RTP3: variants seen among roughly 807,000 people sequenced by gnomAD.
RTP3 encodes receptor transporter protein 3, also known as receptor-transporting protein 3.
RTP3 carries 2 observed loss-of-function variants against 6.2 expected under a neutral mutation model. That is an observed-to-expected ratio of 0.32 (90% CI 0.13 to 1.02). The LOEUF is 1.02. Ranked by LOEUF, RTP3 falls within the 50% of genes least tolerant of loss-of-function variation. The probability of loss-of-function intolerance (pLI) is 0.47; values close to 1 mark genes in which losing one functional copy is unlikely to be tolerated. For missense variants in RTP3, 252 were observed against 280.8 expected, an observed-to-expected ratio of 0.90 and a Z score of 0.73; for synonymous variants, 106 against 98.3, an observed-to-expected ratio of 1.08 and a Z score of -0.47.
At chr3:46,499,625 C>T (rs1703684277) in intron 1 of RTP3, among the ~76,000 whole-genome samples, 1 of 152,246 alleles carries the variant, frequency 6.6e-6, no homozygotes, top group Non-Finnish European at 1.5e-5. Context: ...AACTGCCCTC[C>T]TCCCTGCTGA....
Position 46,500,679 on chromosome 3 carries a change from G to A in RTP3, c.479G>A (p.Gly160Asp), listed in dbSNP as rs770168412. The A allele has an allele frequency of 3.1e-6, 5 of 1,613,912 alleles. No homozygotes were observed. In the South Asian group the frequency reaches 4.4e-5, roughly 14 times the overall value. ...GACAACTGTGAGGCATGTCTGCAGG[G>A]CTTCTGTGCTGGGCCCATACAGGTT... Reference protein sequence around the residue: ...NSDNCEACLQGFCAGPIQVTS... With the variant: ...NSDNCEACLQDFCAGPIQVTS... The change falls in exon 2 of 2, where the codon GGC (glycine) becomes GAC (aspartate). Residue 160 changes from glycine to aspartate, a missense_variant. Transcript: ENST00000296142.
Position 46,498,214 on chromosome 3 carries a change from C to T in RTP3, c.152C>T (p.Ala51Val). ...GWMQYQQWTF[A>V]RFQCSSCSRN... is the part of the protein sequence containing the mutation. ...ATGCAATACCAGCAGTGGACCTTCG[C>T]CAGGTGAGGGGGAATGTGATGGTAC... The change falls in exon 1 of 2, where the codon GCC (alanine) becomes GTC (valine). Residue 51 changes from alanine to valine, a missense_variant. Physicochemically the swap from Ala to Val is moderately conservative, Grantham distance 64. Transcript: ENST00000296142. 1 of 1,614,148 alleles carries T rather than the reference C, an allele frequency of 6.2e-7. No individual in the cohort carries two copies. The highest frequency in any genetic ancestry group is 1.1e-5 in the South Asian group (1 of 91,070).
Position 46,498,143 on chromosome 3 carries a change from G to C in RTP3, c.81G>C (p.Leu27=). 1.2e-6 allele frequency: 2 copies of C among 1,614,260 alleles called. No individual in the cohort carries two copies. The highest frequency in any genetic ancestry group is 1.7e-6 in the Non-Finnish European group (2 of 1,180,046). Residue 27 remains leucine (L), a synonymous_variant, in exon 1 of 2, where the codon CTG becomes CTC. Transcript: ENST00000296142. ...TGAAGCCATGGCACAGGTGGACCCT[G>C]AGACCAGACAAGGGCCTTCTTCCCA... ...REVKPWHRWT[L]RPDKGLLPNV... is the part of the protein sequence containing the mutation.
chr3:46,499,435 C>T (rs760218516), intron 1 of RTP3, among the ~76,000 whole-genome samples: 16 of 152,350 alleles, frequency 1.1e-4, no homozygotes, highest in South Asian at 2.1e-4. Context: ...CCCAGCCTCA[C>T]GGCAAAGGGG....
At chr3:46,500,327 C>A in intron 1 of RTP3, 29 bp from the exon 2 acceptor site, 1 of 1,563,374 alleles carries the variant, frequency 6.4e-7, no homozygotes, top group Non-Finnish European at 8.6e-7. Flanking sequence ...CACATGGAGC[C>A]AGGCTGAGAC....
At chr3:46,500,315 G>A in intron 1 of RTP3, 41 bp from the exon 2 acceptor site, 1 of 1,542,674 alleles carries the variant, frequency 6.5e-7, no homozygotes, top group Non-Finnish European at 8.7e-7. Flanking sequence ...CCGTGATTTG[G>A]TCACATGGAG....
intron 1 of RTP3, among the ~76,000 whole-genome samples, chr3:46,498,509 G>A (rs951765084): frequency 2.6e-5 from 4 of 152,160 alleles, no homozygotes; most frequent in African/African-American, 9.7e-5. Flanking sequence ...GGGAGGAAGG[G>A]CAGCTGTTGC....
rs1258479346 is a variant in RTP3 at position 46,500,464 on chromosome 3, G to C, written c.264G>C (p.Val88=). The change falls in exon 2 of 2, where the codon GTG becomes GTC. Residue 88 remains valine, a synonymous_variant. Coordinates refer to ENST00000296142, the MANE Select transcript of RTP3 (RefSeq NM_031440.2). ...CCAGGGGCCAGGTGAAGATGAGGGT[G>C]TTTACCCAGAGATGTAAGAAGTGCC... ...EKSRGQVKMR[V]FTQRCKKCPQ... 1 of 1,614,106 alleles carries C rather than the reference G, an allele frequency of 6.2e-7. No homozygotes were observed. The highest frequency in any genetic ancestry group is 8.5e-7 in the Non-Finnish European group (1 of 1,180,044).
chr3:46,498,908 G>A (rs1167943466), intron 1 of RTP3, among the ~76,000 whole-genome samples: 3 of 152,216 alleles, frequency 2.0e-5, no homozygotes, highest in African/African-American at 7.2e-5. Context: ...CTGCCATAGG[G>A]AGCATTGCAC....
intron 1 of RTP3, among the ~76,000 whole-genome samples, chr3:46,500,004 G>T (rs1274820804): frequency 2.6e-5 from 4 of 152,194 alleles, no homozygotes; most frequent in African/African-American, 7.2e-5. Context: ...TTGGAATAGG[G>T]AGACCACAGT....
chr3:46,499,826 C>T lies in RTP3; in HGVS notation c.156-530C>T, dbSNP rs532467199. Among the ~76,000 whole-genome samples, 3 of 152,160 alleles carry T rather than the reference C, an allele frequency of 2.0e-5. No individual in the cohort carries two copies. The East Asian group carries it at 5.8e-4, about 29-fold the overall frequency. On this transcript the variant is annotated intron_variant, in intron 1 of 1. Coordinates refer to ENST00000296142, the MANE Select transcript of RTP3 (RefSeq NM_031440.2). ...CCAAGAGAAAGGCAAAGGCTTTCCT[C>T]TAGGAGAACCCTGGACACTTCAGGC...
At chr3:46,498,751 G>A (rs1015057324) in intron 1 of RTP3, among the ~76,000 whole-genome samples, 2 of 152,302 alleles carry the variant, frequency 1.3e-5, no homozygotes, top group Admixed American at 1.3e-4. Flanking sequence ...TTCCCAGGTG[G>A]AAATGGGGAG....
Position 46,500,588 on chromosome 3 carries a change from A to C in RTP3, c.388A>C (p.Arg130=). The change falls in exon 2 of 2, where the codon AGA becomes CGA. Residue 130 remains arginine, a synonymous_variant. Coordinates refer to ENST00000296142, the MANE Select transcript of RTP3 (RefSeq NM_031440.2). ...FRILKKCYRG[R]FQLIEEVPMI... ...AATTCTGAAGAAATGCTATAGAGGAAGATTTCAGTTGATAGAGGAGGTTCC... is the reference window on the plus strand; with the variant it reads ...AATTCTGAAGAAATGCTATAGAGGACGATTTCAGTTGATAGAGGAGGTTCC... 6.2e-7 allele frequency: 1 copy of C among 1,614,224 alleles called. No homozygotes were observed. The highest frequency in any genetic ancestry group is 8.5e-7 in the Non-Finnish European group (1 of 1,180,038).
intron 1 of RTP3, among the ~76,000 whole-genome samples, chr3:46,499,758 CTG>C (rs1018046782): frequency 2.6e-5 from 4 of 152,150 alleles, no homozygotes; most frequent in Admixed American, 2.6e-4. Flanking sequence ...GAGCTGGACA[CTG>C]TGATCTCCCT....
intron 1 of RTP3, among the ~76,000 whole-genome samples, chr3:46,498,532 T>G (rs1703672939): frequency 2.6e-5 from 4 of 151,986 alleles, no homozygotes; most frequent in Admixed American, 2.6e-4. Flanking sequence ...CCACGGGCGG[T>G]GCATGTGCCC....
rs78076766 is a variant in RTP3 at position 46,498,992 on chromosome 3, G to C, written c.155+775G>C. Among the ~76,000 whole-genome samples the C allele has an allele frequency of 3.9e-3, 591 of 152,372 alleles. 4 individuals carry two copies. Among genetic ancestry groups the C allele is most frequent in the African/African-American group, 0.013 (547 of 41,580 alleles). On this transcript the variant is annotated intron_variant, in intron 1 of 1. Transcript: ENST00000296142. ...ACAGGAACAGAGCACTGAGACCCAG[G>C]GGATGGCAGTGGACTTCTGCTCAGA...
chr3:46,498,171 G>A lies in RTP3; in HGVS notation c.109G>A (p.Val37Ile), dbSNP rs1575335705. 2.5e-6 allele frequency: 4 copies of A among 1,614,204 alleles called. No homozygotes were observed. The highest frequency in any genetic ancestry group is 1.6e-4 in the Middle Eastern group (1 of 6,062). ...LRPDKGLLPN[V>I]LKPGWMQYQQ... ...ACCAGACAAGGGCCTTCTTCCCAAC[G>A]TCCTGAAGCCAGGCTGGATGCAATA... The change falls in exon 1 of 2, where the codon GTC becomes ATC. Residue 37 changes from valine (V) to isoleucine (I), a missense_variant. Coordinates refer to ENST00000296142, the MANE Select transcript of RTP3 (RefSeq NM_031440.2).
At chr3:46,498,364 C>T in intron 1 of RTP3, 147 bp downstream of exon 1, 1 of 912,858 alleles carries the variant, frequency 1.1e-6, no homozygotes, top group Non-Finnish European at 1.7e-6. Flanking sequence ...GTTGTAACTT[C>T]ATTAAAGATC....
Position 46,498,197 on chromosome 3 carries a change from C to G in RTP3, c.135C>G (p.Tyr45Ter). The change falls in exon 1 of 2, where the codon TAC becomes TAG. Residue 45 changes from tyrosine (Y) to a stop codon, truncating the protein, a stop_gained. Transcript: ENST00000296142. LOFTEE classifies it low-confidence loss of function (END_TRUNC). ...TCCTGAAGCCAGGCTGGATGCAATA[C>G]CAGCAGTGGACCTTCGCCAGGTGAG... is the stretch of plus-strand genomic sequence containing the variant. ...PNVLKPGWMQ[Y>*]QQWTFARFQC... 3 of 1,614,194 alleles carry G rather than the reference C, an allele frequency of 1.9e-6. No individual in the cohort carries two copies. The South Asian group carries it at 3.3e-5, about 18-fold the overall frequency.
Sources: allele counts gnomAD v4.1 joint callset (sites outside exome capture counted in the v4.1 genomes callset), GRCh38; gene constraint gnomAD v4.1.1; transcripts MANE v1.5; gene names NCBI Gene and HGNC (gene_info 2026-07-23, HGNC 2026-07-21).